TOR1AIP1: variants seen among roughly 807,000 people sequenced by gnomAD.
TOR1AIP1 encodes torsin 1A interacting protein 1.
In TOR1AIP1, 54 loss-of-function variants were observed where a neutral mutation model predicts 63.3. The ratio of observed to expected loss-of-function variants is 0.85; its 90% CI spans 0.69 to 1.07. The LOEUF is 1.07. TOR1AIP1 is among the 50% of genes least tolerant of loss of function. TOR1AIP1 has a pLI of 0.00. For synonymous variants in TOR1AIP1, 294 were observed against 273.5 expected (o/e 1.07, Z -0.74); for missense variants, 736 against 715.0 (o/e 1.03, Z -0.33).
In TOR1AIP1 at chr1:179,917,988, G is replaced by T. The variant is rs757078578; in HGVS notation, c.1501G>T (p.Ala501Ser). Residue 501 changes from alanine to serine, a missense_variant, in exon 10 of 10, where the codon GCG becomes TCG. Transcript: ENST00000606911. ...CTACAAATATTGTGACCATGAAAAC[G>T]CGGCCTTCAAAGATGTAGCCTTAGT... is the stretch of plus-strand genomic sequence containing the variant. ...IFYKYCDHEN[A>S]AFKDVALVLT... The T allele has an allele frequency of 1.2e-6, 2 of 1,614,204 alleles. No homozygotes were observed. Among genetic ancestry groups the T allele is most frequent in the Non-Finnish European group, 1.7e-6 (2 of 1,180,042 alleles).
At chr1:179,910,493 G>A (rs1038608962) in intron 8 of TOR1AIP1, among the ~76,000 whole-genome samples, 7 of 152,134 alleles carry the variant, frequency 4.6e-5, no homozygotes, top group African/African-American at 9.7e-5. Context: ...GTCTAGAACC[G>A]AAATAACTTT....
chr1:179,913,755 T>TATTGTGTGCTTTGTACACAATA, intron 8 of TOR1AIP1: 1 of 681,688 alleles, frequency 1.5e-6, no homozygotes, highest in South Asian at 1.6e-5. Flanking sequence ...CAAAACTAAT[T>TATTGTGTGCTTTGTACACAATA]ATTGTGTGCT....
At position 179,917,958 on chromosome 1, in the gene TOR1AIP1, A is replaced by T. The variant is rs1483889396; in HGVS notation, c.1471A>T (p.Ile491Phe). 5 of 1,614,090 alleles carry T rather than the reference A, an allele frequency of 3.1e-6. No homozygotes were observed. Among genetic ancestry groups the T allele is most frequent in the Non-Finnish European group, 4.2e-6 (5 of 1,180,048 alleles). ...FESFPAGSTL[I>F]FYKYCDHENA... The stretch of plus-strand genomic sequence containing the variant: ...GTCATTTCCCGCAGGCTCTACTTTG[A>T]TCTTCTACAAATATTGTGACCATGA... The change falls in exon 10 of 10, where the codon ATC becomes TTC. Residue 491 changes from isoleucine (I) to phenylalanine (F), a missense_variant. Transcript: ENST00000606911.
chr1:179,917,572 C>G lies in TOR1AIP1; in HGVS notation c.1085C>G (p.Thr362Ser). The G allele has an allele frequency of 6.2e-7, 1 of 1,614,112 alleles. No individual in the cohort carries two copies. Among genetic ancestry groups the G allele is most frequent in the Non-Finnish European group, 8.5e-7 (1 of 1,180,034 alleles). Residue 362 changes from threonine (T) to serine (S), a missense_variant, in exon 10 of 10, where the codon ACC (threonine) becomes AGC (serine). By Grantham distance (58) the Thr-to-Ser change is moderately conservative (BLOSUM62 1). Around this residue, in one of 2 missense-constraint regions of TOR1AIP1, gnomAD observed 272 missense variants for 344.1 expected, o/e 0.79. Transcript: ENST00000606911. ...TTCTTTAGTACTCCTGAGGTAGAAA[C>G]CACTGCTGTTCAAGAGTTCCAGAAC... is the stretch of plus-strand genomic sequence containing the variant. ...FWFFSTPEVE[T>S]TAVQEFQNQM...
intron 2 of TOR1AIP1, among the ~76,000 whole-genome samples, chr1:179,886,533 T>C (rs1207945635): frequency 2.0e-5 from 3 of 152,180 alleles, no homozygotes; most frequent in Admixed American, 6.5e-5. Context: ...TGAAATCACT[T>C]TGTACCCGGT....
intron 3 of TOR1AIP1, among the ~76,000 whole-genome samples, chr1:179,889,620 C>CA (rs1185527045): frequency 1.3e-5 from 2 of 150,536 alleles, no homozygotes; most frequent in East Asian, 3.9e-4. Flanking sequence ...TTTTATAATA[C>CA]AAATTTTGGC....
At chr1:179,901,204 G>C (rs1425934838) in intron 4 of TOR1AIP1, 98 bp from the exon 5 acceptor site, 7 of 682,404 alleles carry the variant, frequency 1.0e-5, no homozygotes, top group African/African-American at 3.6e-5. Flanking sequence ...AACTTAAAAG[G>C]CTTCTTTTAA....
chr1:179,884,334 G>A (rs926202844), intron 1 of TOR1AIP1, among the ~76,000 whole-genome samples: 2 of 152,012 alleles, frequency 1.3e-5, no homozygotes, highest in Non-Finnish European at 2.9e-5. Context: ...TTTTTAACAA[G>A]TAAAGAATTT....
chr1:179,907,370 A>G (rs1312204189), intron 6 of TOR1AIP1, among the ~76,000 whole-genome samples: 4 of 149,430 alleles, frequency 2.7e-5, no homozygotes, highest in Non-Finnish European at 4.4e-5. Context: ...CGGAGGTTGC[A>G]GTGAGCTGAG....
intron 6 of TOR1AIP1, among the ~76,000 whole-genome samples, chr1:179,905,143 A>C (rs1648588451): frequency 6.6e-6 from 1 of 152,070 alleles, no homozygotes; most frequent in Non-Finnish European, 1.5e-5. Flanking sequence ...TTGGGAGACC[A>C]AGGCAGGCGG....
At chr1:179,897,086 C>T (rs975813946) in intron 3 of TOR1AIP1, among the ~76,000 whole-genome samples, 1 of 152,016 alleles carries the variant, frequency 6.6e-6, no homozygotes, top group Non-Finnish European at 1.5e-5. Flanking sequence ...CATTGCATAA[C>T]TAGTTATTCT....
intron 4 of TOR1AIP1, 52 bp downstream of exon 4, chr1:179,900,219 C>A: frequency 8.1e-7 from 1 of 1,229,064 alleles, no homozygotes; most frequent in Non-Finnish European, 1.2e-6. Context: ...TTTTTCTTTA[C>A]ATTAGAAGCC....
At chr1:179,894,200 G>A (rs537851980) in intron 3 of TOR1AIP1, among the ~76,000 whole-genome samples, 13 of 149,274 alleles carry the variant, frequency 8.7e-5, no homozygotes, top group Admixed American at 6.7e-4. Flanking sequence ...GCAGTGAGCC[G>A]AGATCCCGCC....
chr1:179,883,742 CAAAAGGGAT>C (rs1647820246), intron 1 of TOR1AIP1: 1 of 454,954 alleles, frequency 2.2e-6, no homozygotes, highest in Non-Finnish European at 4.4e-6. Flanking sequence ...TCTAAATGGA[CAAAAGGGAT>C]GCTGACAAAG....
chr1:179,907,895 G>T, intron 7 of TOR1AIP1, 31 bp downstream of exon 7: 1 of 1,198,756 alleles, frequency 8.3e-7, no homozygotes, highest in South Asian at 1.4e-5. Context: ...TCTTTTTTCA[G>T]CCAATCAATT....
chr1:179,914,524 G>C (rs931034982), intron 9 of TOR1AIP1, among the ~76,000 whole-genome samples: 2 of 152,188 alleles, frequency 1.3e-5, no homozygotes, highest in Non-Finnish European at 2.9e-5. Context: ...GGCTGAGCGT[G>C]GTGGCTCATG....
rs187077102 is a variant in TOR1AIP1 at position 179,906,863 on chromosome 1, G to A, written c.797-960G>A. 9.0e-3 allele frequency among the ~76,000 whole-genome samples: 1,334 copies of A among 147,984 alleles called. 10 individuals carry two copies. The highest frequency in any genetic ancestry group is 0.016 in the Non-Finnish European group (1,052 of 67,282). ...CGCCCTTCTTCTGCCTCAGCCTCCC[G>A]AGTAGCTGGGACTACAGGCGCCCAC... On this transcript the variant is annotated intron_variant, in intron 6 of 9. Transcript: ENST00000606911.
intron 8 of TOR1AIP1, 132 bp downstream of exon 8, chr1:179,908,805 C>G (rs2148480449): frequency 1.4e-6 from 1 of 721,420 alleles, no homozygotes; most frequent in East Asian, 3.0e-5. Flanking sequence ...GCTATGATTA[C>G]TAGTTTAGTA....
At chr1:179,883,637 T>G (rs1286098894) in intron 1 of TOR1AIP1, 1 of 456,312 alleles carries the variant, frequency 2.2e-6, no homozygotes, top group South Asian at 1.5e-5. Context: ...GCCAAAAATC[T>G]GCCACTTTGG....
Sources: allele counts gnomAD v4.1 joint callset (sites outside exome capture counted in the v4.1 genomes callset), GRCh38; gene constraint gnomAD v4.1.1; regional missense constraint gnomAD v4.1.1; transcripts MANE v1.5; gene names NCBI Gene and HGNC (gene_info 2026-07-23, HGNC 2026-07-21).